The following SLC44A1 variants were observed in gnomAD, a reference collection of about 807,000 sequenced individuals.
SLC44A1 encodes the protein choline transporter-like protein 1.
A neutral mutation model predicts 79.3 loss-of-function variants in SLC44A1; 26 were observed. That is an observed-to-expected ratio of 0.33 (90% CI 0.24 to 0.46). The LOEUF is 0.46. Ranked by LOEUF, SLC44A1 falls within the 20% of genes least tolerant of loss-of-function variation. The pLI, the probability that SLC44A1 is intolerant of heterozygous loss-of-function variation, is 1.00. For synonymous variants in SLC44A1, 263 were observed against 286.2 expected, an observed-to-expected ratio of 0.92 and a Z score of 0.82; for missense variants, 688 against 798.1, an observed-to-expected ratio of 0.86 and a Z score of 1.66.
intron 1 of SLC44A1, among the ~76,000 whole-genome samples, chr9:105,245,986 T>C (rs1829434626): frequency 6.6e-6 from 1 of 152,164 alleles, no homozygotes; most frequent in Non-Finnish European, 1.5e-5. Flanking sequence ...AACTGTCTTG[T>C]GGTGGTGTAT....
chr9:105,300,554 G>A (rs1285182109), intron 2 of SLC44A1, among the ~76,000 whole-genome samples: 1 of 152,082 alleles, frequency 6.6e-6, no homozygotes, highest in Non-Finnish European at 1.5e-5. Context: ...GGAAAAGAAA[G>A]CAATACATTT....
chr9:105,260,399 C>A (rs1162086847), intron 1 of SLC44A1, among the ~76,000 whole-genome samples: 1 of 152,184 alleles, frequency 6.6e-6, no homozygotes, highest in Non-Finnish European at 1.5e-5. Flanking sequence ...GCTTGAAATA[C>A]TGCTTCTCAA....
At chr9:105,423,353 G>A (rs1829278938) in intron 15 of SLC44A1, among the ~76,000 whole-genome samples, 1 of 152,060 alleles carries the variant, frequency 6.6e-6, no homozygotes, top group Admixed American at 6.5e-5. Flanking sequence ...AATCCCAGCT[G>A]GTCCAGGAGG....
chr9:105,260,535 A>C (rs1829814941), intron 1 of SLC44A1, among the ~76,000 whole-genome samples: 1 of 152,228 alleles, frequency 6.6e-6, no homozygotes, highest in African/African-American at 2.4e-5. Flanking sequence ...GTGCATCACA[A>C]ACTTCATGTT....
intron 1 of SLC44A1, among the ~76,000 whole-genome samples, chr9:105,281,746 T>A (rs558081354): frequency 6.6e-6 from 1 of 152,350 alleles, no homozygotes; most frequent in South Asian, 2.1e-4. Flanking sequence ...TCCTTTGTGA[T>A]TGCATCTGTA....
At chr9:105,262,486 A>G (rs1367209757) in intron 1 of SLC44A1, among the ~76,000 whole-genome samples, 1 of 152,256 alleles carries the variant, frequency 6.6e-6, no homozygotes, top group African/African-American at 2.4e-5. Context: ...TTAAGCTAAT[A>G]AATGAGTTTT....
At chr9:105,373,278 A>G (rs1270720120) in intron 12 of SLC44A1, among the ~76,000 whole-genome samples, 2 of 152,162 alleles carry the variant, frequency 1.3e-5, no homozygotes, top group African/African-American at 2.4e-5. Context: ...ACTAAACCCA[A>G]ATTCCTCAGG....
chr9:105,354,553 C>G (rs1712249704), intron 5 of SLC44A1, among the ~76,000 whole-genome samples: 1 of 152,198 alleles, frequency 6.6e-6, no homozygotes, highest in Non-Finnish European at 1.5e-5. Context: ...TTGGCATTAA[C>G]TTTCACTAAT....
chr9:105,293,507 G>A (rs1226761403), intron 1 of SLC44A1, among the ~76,000 whole-genome samples: 1 of 152,176 alleles, frequency 6.6e-6, no homozygotes, highest in East Asian at 1.9e-4. Context: ...CTGGATCGTT[G>A]ATAATGCTTG....
At chr9:105,253,722 A>C (rs1829639877) in intron 1 of SLC44A1, among the ~76,000 whole-genome samples, 1 of 152,120 alleles carries the variant, frequency 6.6e-6, no homozygotes, top group South Asian at 2.1e-4. Context: ...GCAGAGCCAG[A>C]CCCTGTCTTT....
rs566201603 is a variant in SLC44A1, at chr9:105,374,461, C to T, written c.1495-137C>T. 273 of 687,440 alleles carry T rather than the reference C, an allele frequency of 4.0e-4. 1 individual carries two copies. The highest frequency in any genetic ancestry group is 2.4e-3 in the Middle Eastern group (9 of 3,792). The allele number at this position is 687,440 out of a possible 1,614,324, so 42.6% of individuals were successfully genotyped here. On this transcript the variant is annotated intron_variant, in intron 12 of 15. Coordinates refer to ENST00000374720, the MANE Select transcript of SLC44A1 (RefSeq NM_080546.5). ...TCTTATATTTTCTTGTACTCAGTCT[C>T]GATCTGTACCTCATTAAAGGGTGCC...
chr9:105,351,901 T>C (rs1173368777), intron 5 of SLC44A1, among the ~76,000 whole-genome samples: 1 of 152,200 alleles, frequency 6.6e-6, no homozygotes, highest in Non-Finnish European at 1.5e-5. Context: ...TGTTGCAAAT[T>C]GGAATTTGAA....
At chr9:105,432,759 C>T (rs1262191735) in intron 15 of SLC44A1, among the ~76,000 whole-genome samples, 4 of 152,134 alleles carry the variant, frequency 2.6e-5, no homozygotes, top group Non-Finnish European at 4.4e-5. Flanking sequence ...ACTATTGCAG[C>T]GTTATTACAG....
At chr9:105,400,623 A>G (rs1274501014), downstream of SLC44A1, among the ~76,000 whole-genome samples, 1 of 152,234 alleles carries the variant, frequency 6.6e-6, no homozygotes, top group Non-Finnish European at 1.5e-5. Flanking sequence ...GACATTAAAG[A>G]CACCAATAAT....
chr9:105,286,669 A>G (rs1470027600), intron 1 of SLC44A1, among the ~76,000 whole-genome samples: 4 of 152,214 alleles, frequency 2.6e-5, no homozygotes, highest in Non-Finnish European at 5.9e-5. Context: ...GTTGTGTTAT[A>G]AAAGGGAGGA....
chr9:105,311,176 C>G (rs759680596), intron 3 of SLC44A1, among the ~76,000 whole-genome samples: 2 of 152,140 alleles, frequency 1.3e-5, no homozygotes, highest in Non-Finnish European at 2.9e-5. Flanking sequence ...TTTCTTGTAG[C>G]AAGACTACGA....
intron 3 of SLC44A1, among the ~76,000 whole-genome samples, chr9:105,315,624 A>C (rs1831302691): frequency 6.6e-6 from 1 of 152,224 alleles, no homozygotes; most frequent in African/African-American, 2.4e-5. Context: ...ACTATACCAC[A>C]TAACCATCTA....
chr9:105,343,601 T>A (rs143685569), intron 4 of SLC44A1, among the ~76,000 whole-genome samples: 1 of 152,316 alleles, frequency 6.6e-6, no homozygotes, highest in East Asian at 1.9e-4. Context: ...AATGATCAAC[T>A]CTAGCAACCG....
At chr9:105,427,973 TTTG>T (rs2131522950) in intron 15 of SLC44A1, among the ~76,000 whole-genome samples, 1 of 152,322 alleles carries the variant, frequency 6.6e-6, no homozygotes, top group South Asian at 2.1e-4. Flanking sequence ...CCTTTGCCAT[TTTG>T]TTATTGAGAT....
Sources: allele counts gnomAD v4.1 joint callset (sites outside exome capture counted in the v4.1 genomes callset), GRCh38; gene constraint gnomAD v4.1.1; transcripts MANE v1.5; gene names NCBI Gene and HGNC (gene_info 2026-07-23, HGNC 2026-07-21).